The following LHX9 variants were observed in gnomAD, a reference collection of about 807,000 sequenced individuals.
The protein encoded by LHX9 is LIM homeobox 9, also known as LIM/homeobox protein Lhx9.
Under a neutral mutation model 36.5 loss-of-function variants are expected in LHX9, and 9 were observed. That is an observed-to-expected ratio of 0.25 (90% CI 0.15 to 0.43). LHX9 has a LOEUF of 0.43. Ranked by LOEUF, LHX9 falls within the 20% of genes least tolerant of loss-of-function variation. The probability of loss-of-function intolerance (pLI) is 1.00; values close to 1 mark genes in which losing one functional copy is unlikely to be tolerated. For missense variants in LHX9, 464 were observed against 526.4 expected, an observed-to-expected ratio of 0.88 and a Z score of 1.16; for synonymous variants, 211 against 212.1, an observed-to-expected ratio of 0.99 and a Z score of 0.04.
rs980389706 is a variant in LHX9, at chr1:197,934,726, A to G, written c.*5467A>G. The G allele has an allele frequency of 6.6e-6, 1 of 152,106 alleles. No individual in the cohort carries two copies. Among genetic ancestry groups the G allele is most frequent in the Non-Finnish European group, 1.5e-5 (1 of 68,016 alleles). The allele number at this position is 152,106 out of a possible 1,614,324, so 9.4% of individuals were successfully genotyped here. ...CAAACTCTTGATATTAAAATAAATAAAATGCCTCTAATGTAAAGCCACAGC... is the reference window on the plus strand; with the variant it reads ...CAAACTCTTGATATTAAAATAAATAGAATGCCTCTAATGTAAAGCCACAGC... On this transcript the variant is annotated 3_prime_UTR_variant, in exon 5 of 5. Coordinates refer to ENST00000367387, the MANE Select transcript of LHX9 (RefSeq NM_020204.3).
chr1:197,928,848 T>A (rs1214302165), intron 4 of LHX9, among the ~76,000 whole-genome samples, 154 bp from the exon 5 acceptor site: 7 of 121,950 alleles, frequency 5.7e-5, no homozygotes, highest in Non-Finnish European at 1.0e-4. Flanking sequence ...GCCCCTTTCC[T>A]CCTAAGAAAG....
At chr1:197,928,163 T>C (rs1452869885) in intron 4 of LHX9, among the ~76,000 whole-genome samples, 1 of 152,206 alleles carries the variant, frequency 6.6e-6, no homozygotes, top group Non-Finnish European at 1.5e-5. Flanking sequence ...CTGTTGGCAC[T>C]GCCTTAACTC....
chr1:197,918,121 G>A (rs1659836168), intron 1 of LHX9, 124 bp downstream of exon 1: 1 of 1,095,176 alleles, frequency 9.1e-7, no homozygotes, highest in Non-Finnish European at 1.3e-6. Context: ...TGAGGGTGGC[G>A]GGTGAGTTTT....
In LHX9 at chr1:197,930,825, G is replaced by C. The variant is rs1227454333; in HGVS notation, c.*1566G>C. On this transcript the variant is annotated 3_prime_UTR_variant, in exon 5 of 5. Transcript: ENST00000367387. ...TAACACTGTAACAGAAGAAAGGTGTGATTGCCATTATATATTTAGCAAGTA... is the reference window on the plus strand; with the variant it reads ...TAACACTGTAACAGAAGAAAGGTGTCATTGCCATTATATATTTAGCAAGTA... 1.3e-5 allele frequency: 2 copies of C among 151,966 alleles called. No individual in the cohort carries two copies. Among genetic ancestry groups the C allele is most frequent in the African/African-American group, 2.4e-5 (1 of 41,422 alleles). 9.4% of individuals were successfully genotyped at this position (151,966 alleles called of 1,614,324 possible).
chr1:197,917,986 G>T lies in LHX9; in HGVS notation c.163G>T (p.Gly55Cys), dbSNP rs1315664975. The part of the protein sequence containing the change: ...ARLAKGAQLN[G>C]RDAGMPPLSP... Reference sequence around the variant, plus strand: ...TCTGGCCAAAGGCGCCCAGCTCAACGGCCGCGACGCGGTAAGGAAGGGCTC... The same window carrying T: ...TCTGGCCAAAGGCGCCCAGCTCAACTGCCGCGACGCGGTAAGGAAGGGCTC... Residue 55 changes from glycine to cysteine, a missense_variant, in exon 1 of 5, where the codon GGC (glycine) becomes TGC (cysteine). Transcript: ENST00000367387. The T allele has an allele frequency of 1.2e-6, 2 of 1,612,984 alleles. No individual in the cohort carries two copies. Among genetic ancestry groups the T allele is most frequent in the Non-Finnish European group, 1.7e-6 (2 of 1,179,556 alleles).
At position 197,924,904 on chromosome 1, in the gene LHX9, ATTCGGG is replaced by A. The variant is rs1357274443; in HGVS notation, c.734-2686_734-2681del. 2.1e-4 allele frequency among the ~76,000 whole-genome samples: 9 copies of A among 43,744 alleles called. 2 individuals are homozygous for A. Among genetic ancestry groups the A allele is most frequent in the Non-Finnish European group, 2.5e-4 (6 of 23,950 alleles). The allele number at this position is 43,744 out of a possible 152,430, so 28.7% of individuals were successfully genotyped here. On this transcript the variant is annotated intron_variant, in intron 3 of 4. Coordinates refer to ENST00000367387, the MANE Select transcript of LHX9 (RefSeq NM_020204.3). ...TTAAGAGTTATCATTTCATCTCATA[ATTCGGG>A]GAGTGGGGGAATCCCCTACAGCTTT...
At chr1:197,928,920 G>T in intron 4 of LHX9, 82 bp from the exon 5 acceptor site, 4 of 1,304,374 alleles carry the variant, frequency 3.1e-6, no homozygotes, top group East Asian at 2.8e-5. Flanking sequence ...GAAAGAAAAA[G>T]AAAAAAAGAA....
chr1:197,915,144 A>G (rs1659710126), upstream of LHX9, among the ~76,000 whole-genome samples: 1 of 152,254 alleles, frequency 6.6e-6, no homozygotes, highest in African/African-American at 2.4e-5. Context: ...ATATGCAACA[A>G]GAACCAAACC....
rs1470655809 is a variant in LHX9 at position 197,934,862 on chromosome 1, ATAT to A, written c.*5607_*5609del. On this transcript the variant is annotated 3_prime_UTR_variant, in exon 5 of 5. Transcript: ENST00000367387. ...TCACAACAGTTTTTTTTTCAGAATA[ATAT>A]TATGATTTACCTTATTTTAAAAATA... is the stretch of plus-strand genomic sequence containing the variant. 3 of 152,172 alleles carry A rather than the reference ATAT, an allele frequency of 2.0e-5. No individual in the cohort carries two copies. The highest frequency in any genetic ancestry group is 2.9e-5 in the Non-Finnish European group (2 of 67,990). The allele number at this position is 152,172 out of a possible 1,614,324, so 9.4% of individuals were successfully genotyped here.
intron 3 of LHX9, among the ~76,000 whole-genome samples, chr1:197,924,759 C>T (rs1447213567): frequency 6.6e-6 from 1 of 152,212 alleles, no homozygotes; most frequent in East Asian, 1.9e-4. Flanking sequence ...CATACCTTCA[C>T]AGCGACACTC....
chr1:197,919,621 G>A (rs371154814), intron 1 of LHX9, among the ~76,000 whole-genome samples: 1 of 152,122 alleles, frequency 6.6e-6, no homozygotes, highest in Non-Finnish European at 1.5e-5. Flanking sequence ...TTTTGTGTGC[G>A]TCGAAAACCA....
At chr1:197,913,375 G>T (rs113188883), upstream of LHX9, among the ~76,000 whole-genome samples, 775 of 152,278 alleles carry the variant, frequency 5.1e-3, 3 homozygotes, top group South Asian at 0.017. Flanking sequence ...CCCTTTCCAG[G>T]CAGCCGAACT....
chr1:197,925,833 G>A (rs918781503), intron 3 of LHX9, among the ~76,000 whole-genome samples: 1 of 151,988 alleles, frequency 6.6e-6, no homozygotes, highest in African/African-American at 2.4e-5. Context: ...ATTTAATTTC[G>A]CATTAATACT....
chr1:197,920,320 T>G (rs889671783), intron 2 of LHX9, 146 bp downstream of exon 2: 4 of 393,818 alleles, frequency 1.0e-5, no homozygotes, highest in Non-Finnish European at 1.9e-5. Flanking sequence ...CCACTGCATA[T>G]GCCTTCAAGC....
chr1:197,920,269 C>T (rs1659941246), intron 2 of LHX9, 95 bp downstream of exon 2: 1 of 1,242,730 alleles, frequency 8.0e-7, no homozygotes, highest in African/African-American at 1.5e-5. Context: ...TACCTTTTGC[C>T]CCATTCCGGG....
rs1659976232 is a variant in LHX9 at position 197,921,280 on chromosome 1, C to T, written c.378-24C>T. 4 of 1,590,260 alleles carry T rather than the reference C, an allele frequency of 2.5e-6. No individual in the cohort carries two copies. Among genetic ancestry groups the T allele is most frequent in the African/African-American group, 2.7e-5 (2 of 74,784 alleles). ...GGCTCTGCCTTGCTTCAACTAGCGCCCTGACTCAACTCTTTCCTTCCAGAA... is the reference window on the plus strand; with the variant it reads ...GGCTCTGCCTTGCTTCAACTAGCGCTCTGACTCAACTCTTTCCTTCCAGAA... On this transcript the variant is annotated intron_variant, in intron 2 of 4. Coordinates refer to ENST00000367387, the MANE Select transcript of LHX9 (RefSeq NM_020204.3). The surrounding 1 kb of genome is among the most constrained non-coding windows in gnomAD (Gnocchi z 4.6).
rs1660319552 is a variant in LHX9 at position 197,931,291 on chromosome 1, T to C, written c.*2032T>C. 1.3e-5 allele frequency: 2 copies of C among 152,056 alleles called. No individual in the cohort carries two copies. Among genetic ancestry groups the C allele is most frequent in the Non-Finnish European group, 2.9e-5 (2 of 67,878 alleles). 9.4% of individuals were successfully genotyped at this position (152,056 alleles called of 1,614,324 possible). On this transcript the variant is annotated 3_prime_UTR_variant, in exon 5 of 5. Coordinates refer to ENST00000367387, the MANE Select transcript of LHX9 (RefSeq NM_020204.3). ...CACTCTTTCAAATATAGTTGATAAA[T>C]TCAATAATCTTATATATTGAGCTTC...
At chr1:197,916,474 G>A, upstream of LHX9, 3 of 578,016 alleles carry the variant, frequency 5.2e-6, no homozygotes, top group South Asian at 2.1e-5. Flanking sequence ...GCTCCCGGGA[G>A]TCCGCAAGTC....
Position 197,929,091 on chromosome 1 carries a change from T to C in LHX9, c.1026T>C (p.Leu342=), listed in dbSNP as rs1209006357. 6.2e-7 allele frequency: 1 copy of C among 1,613,598 alleles called. No individual in the cohort carries two copies. The highest frequency in any genetic ancestry group is 8.5e-7 in the Non-Finnish European group (1 of 1,179,870). The change falls in exon 5 of 5, where the codon CTT becomes CTC. Residue 342 remains leucine (L), a synonymous_variant. Transcript: ENST00000367387. ...TTGATAAAGCTGACGGCACGTCGCT[T>C]CCGGCCCCGCCCTCAGCAGACAGCG... The part of the protein sequence containing the change: ...GGVDKADGTS[L]PAPPSADSGA...
Sources: gnomAD v4.1 joint callset for allele counts (sites outside exome capture counted in the v4.1 genomes callset) on GRCh38, gnomAD v4.1.1 for gene constraint, Gnocchi (gnomAD v3.1) non-coding constraint, MANE v1.5 for transcripts, NCBI Gene and HGNC (gene_info 2026-07-23, HGNC 2026-07-21) for gene names.